Variants in MAGI2 observed in about 807,000 individuals in gnomAD.
MAGI2 encodes membrane-associated guanylate kinase, WW and PDZ domain-containing protein 2.
In MAGI2, 35 loss-of-function variants were observed where a neutral mutation model predicts 133.3. That is an observed-to-expected ratio of 0.26 (90% confidence interval 0.20 to 0.35). MAGI2 has a LOEUF of 0.35. MAGI2 is among the 10% of genes least tolerant of loss of function. MAGI2 has a pLI of 1.00. For synonymous variants in MAGI2, 729 were observed against 710.6 expected (o/e 1.03, Z -0.41); for missense variants, 1,636 against 1,863.4 (o/e 0.88, Z 2.25).
rs183818344 is a variant in MAGI2, at chr7:78,810,368, G to T, written c.419-183129C>A. ...GAAAGAATCTAGAATCAATACCTAT[G>T]TATTAGGTTAAAAATTACAATTACA... On this transcript the variant is annotated intron_variant, in intron 2 of 21. Coordinates refer to ENST00000354212, the MANE Select transcript of MAGI2 (RefSeq NM_012301.4). Among the ~76,000 whole-genome samples, 420 of 152,142 alleles carry T rather than the reference G, an allele frequency of 2.8e-3. 16 individuals carry two copies. In the South Asian group the frequency reaches 0.042, roughly 15 times the overall value.
intron 2 of MAGI2, among the ~76,000 whole-genome samples, chr7:78,954,367 T>C (rs975975674): frequency 3.3e-5 from 5 of 152,176 alleles, no homozygotes; most frequent in Non-Finnish European, 5.9e-5. Context: ...GAATTTTAGA[T>C]AGTATTCCTG....
chr7:78,250,311 G>A (rs975022004), intron 10 of MAGI2, among the ~76,000 whole-genome samples: 27 of 151,962 alleles, frequency 1.8e-4, no homozygotes, highest in Non-Finnish European at 3.7e-4. Flanking sequence ...GGTCAAAAAA[G>A]AAATTACAAG....
intron 6 of MAGI2, among the ~76,000 whole-genome samples, chr7:78,408,678 T>C (rs1797604979): frequency 6.6e-6 from 1 of 151,998 alleles, no homozygotes. Flanking sequence ...CTGGTTTAAA[T>C]TGCGATGTGC....
intron 2 of MAGI2, among the ~76,000 whole-genome samples, chr7:78,824,463 G>C (rs1206665819): frequency 2.0e-5 from 3 of 151,950 alleles, no homozygotes; most frequent in African/African-American, 7.3e-5. Flanking sequence ...TTTAATATTC[G>C]CCATTCTGAC....
intron 1 of MAGI2, among the ~76,000 whole-genome samples, chr7:79,180,543 T>G (rs1826520601): frequency 6.6e-6 from 1 of 152,002 alleles, no homozygotes. Flanking sequence ...CCCCCATGAT[T>G]CAACCACTTC....
chr7:78,655,464 A>AACAAACAAAAAAC (rs1812114352), intron 2 of MAGI2, among the ~76,000 whole-genome samples: 1 of 147,056 alleles, frequency 6.8e-6, no homozygotes. Flanking sequence ...CAAAAAAAAA[A>AACAAACAAAAAAC]AAAAAAAAAA....
chr7:78,053,445 G>A lies in MAGI2; in HGVS notation c.3706+25502C>T, dbSNP rs555284838. On this transcript the variant is annotated intron_variant, in intron 21 of 21. Coordinates refer to ENST00000354212, the MANE Select transcript of MAGI2 (RefSeq NM_012301.4). ...CTCCTTCCCCTCTCCTTGTCAGATT[G>A]GCCCCAAGGGGGTGAGGACCTGTGT... Among the ~76,000 whole-genome samples, 3 of 152,308 alleles carry A rather than the reference G, an allele frequency of 2.0e-5. No individual in the cohort carries two copies. The South Asian group carries it at 6.2e-4, about 32-fold the overall frequency.
Position 78,589,864 on chromosome 7 carries a change from A to G in MAGI2, c.538+37256T>C, listed in dbSNP as rs557275202. Reference sequence around the variant, plus strand: ...TGAGCAGTTACTTCAAGTCAGGTACAACAAGCAGGTTATTATTTCAAAAAT... The same window carrying G: ...TGAGCAGTTACTTCAAGTCAGGTACGACAAGCAGGTTATTATTTCAAAAAT... On this transcript the variant is annotated intron_variant, in intron 3 of 21. Coordinates refer to ENST00000354212, the MANE Select transcript of MAGI2 (RefSeq NM_012301.4). Among the ~76,000 whole-genome samples, 4 of 152,352 alleles carry G rather than the reference A, an allele frequency of 2.6e-5. No homozygotes were observed. The South Asian group carries it at 8.3e-4, about 32-fold the overall frequency.
chr7:79,026,643 C>A (rs921414129), intron 1 of MAGI2, among the ~76,000 whole-genome samples: 2 of 151,934 alleles, frequency 1.3e-5, no homozygotes, highest in African/African-American at 4.8e-5. Flanking sequence ...GAGGCTGAGG[C>A]GAGCAGATTG....
chr7:79,329,821 G>C (rs1028675807), intron 1 of MAGI2, among the ~76,000 whole-genome samples: 1 of 152,134 alleles, frequency 6.6e-6, no homozygotes, highest in Admixed American at 6.6e-5. Flanking sequence ...ATTGAAAGCT[G>C]TTTTACACCA....
At chr7:79,387,695 T>C (rs1214432413) in intron 1 of MAGI2, among the ~76,000 whole-genome samples, 1 of 152,054 alleles carries the variant, frequency 6.6e-6, no homozygotes, top group Non-Finnish European at 1.5e-5. Flanking sequence ...TTCCCTTTAG[T>C]ACTCACCTAT....
intron 21 of MAGI2, among the ~76,000 whole-genome samples, chr7:78,045,576 T>C (rs1297985924): frequency 1.3e-5 from 2 of 152,184 alleles, no homozygotes; most frequent in Non-Finnish European, 2.9e-5. Flanking sequence ...CAGAAATACA[T>C]CTTTGAGAAA....
chr7:78,984,619 G>A (rs937997709), intron 2 of MAGI2, among the ~76,000 whole-genome samples: 3 of 151,770 alleles, frequency 2.0e-5, no homozygotes, highest in Non-Finnish European at 4.4e-5. Context: ...CTTTCTTCAA[G>A]TATCTGCTCG....
rs187199445 is a variant in MAGI2 at position 78,028,594 on chromosome 7, C to A, written c.3707-8618G>T. ...ATTAGGCCAGGTGTGGTGGTTCACA[C>A]CTGTAATCCCAGCACTTTGGGAGGC... is the stretch of plus-strand genomic sequence containing the variant. On this transcript the variant is annotated intron_variant, in intron 21 of 21. Coordinates refer to ENST00000354212, the MANE Select transcript of MAGI2 (RefSeq NM_012301.4). Among the ~76,000 whole-genome samples, 491 of 152,306 alleles carry A rather than the reference C, an allele frequency of 3.2e-3. 2 individuals carry two copies. The highest frequency in any genetic ancestry group is 5.2e-3 in the Non-Finnish European group (351 of 68,014).
chr7:78,671,281 C>CTTT (rs34087973), intron 2 of MAGI2, among the ~76,000 whole-genome samples: 1,712 of 144,054 alleles, frequency 0.012, 38 homozygotes, highest in African/African-American at 0.042. Flanking sequence ...CTCTCTCTCT[C>CTTT]TTTTTTTTTT....
At chr7:78,828,178 C>A (rs1426888635) in intron 2 of MAGI2, among the ~76,000 whole-genome samples, 1 of 151,284 alleles carries the variant, frequency 6.6e-6, no homozygotes, top group Non-Finnish European at 1.5e-5. Flanking sequence ...AGCCATCGTG[C>A]CCAGCCTTCC....
intron 1 of MAGI2, among the ~76,000 whole-genome samples, chr7:79,378,965 T>TAC (rs1843586195): frequency 1.1e-5 from 1 of 94,838 alleles, no homozygotes. Flanking sequence ...TATATATATA[T>TAC]ATATATTAAA....
rs1299002401 is a variant in MAGI2, at chr7:79,196,717, C to G, written c.302-189511G>C. ...GAGTTTCCTACTCTTTCATTCTTTC[C>G]CCAAAGTTGCATCAGATATGGCATA... On this transcript the variant is annotated intron_variant, in intron 1 of 21. Coordinates refer to ENST00000354212, the MANE Select transcript of MAGI2 (RefSeq NM_012301.4). Among the ~76,000 whole-genome samples the G allele has an allele frequency of 1.3e-5, 2 of 151,706 alleles. 1 individual carries two copies. Among genetic ancestry groups the G allele is most frequent in the African/African-American group, 4.9e-5 (2 of 41,178 alleles).
intron 1 of MAGI2, among the ~76,000 whole-genome samples, chr7:79,171,298 C>A (rs2129548604): frequency 6.6e-6 from 1 of 152,134 alleles, no homozygotes; most frequent in African/African-American, 2.4e-5. Context: ...ACAGGGTATT[C>A]TCCCCCTGAG....
Sources: allele counts gnomAD v4.1 joint callset (sites outside exome capture counted in the v4.1 genomes callset), GRCh38; gene constraint gnomAD v4.1.1; transcripts MANE v1.5; gene names NCBI Gene and HGNC (gene_info 2026-07-23, HGNC 2026-07-21).